The following PCDHGB5 variants were observed in gnomAD, a reference collection of about 807,000 sequenced individuals.
PCDHGB5 encodes protocadherin gamma subfamily B, 5.
In PCDHGB5, 48 loss-of-function variants were observed where a neutral mutation model predicts 62.9. The ratio of observed to expected loss-of-function variants is 0.76; its 90% CI spans 0.61 to 0.97. The LOEUF (loss-of-function observed/expected upper bound fraction) is 0.97. Ranked by LOEUF, PCDHGB5 falls within the 50% of genes least tolerant of loss-of-function variation. The probability of loss-of-function intolerance (pLI) is 0.00; values close to 1 mark genes in which losing one functional copy is unlikely to be tolerated. For missense variants in PCDHGB5, 1,118 were observed against 1,198.6 expected, an observed-to-expected ratio of 0.93 and a Z score of 0.99; for synonymous variants, 474 against 511.2, an observed-to-expected ratio of 0.93 and a Z score of 0.98.
rs140933475 is a variant in PCDHGB5 at position 141,477,405 on chromosome 5, G to A, written c.2398-17402G>A. The A allele has an allele frequency of 3.8e-4, 608 of 1,614,076 alleles. No individual in the cohort carries two copies. The highest frequency in any genetic ancestry group is 4.6e-4 in the Non-Finnish European group (540 of 1,180,022). On this transcript the variant is annotated intron_variant, in intron 1 of 3. Transcript: ENST00000617380. This position sits in a 1 kb window ranked among gnomAD's most constrained non-coding sequence, Gnocchi z 4.9. ...GAATACAACCTCAGCATCACCGCCC[G>A]AGACGCCGGAACCCCTTCCCTCTCA...
At chr5:141,425,379 G>A (rs1330938768) in intron 1 of PCDHGB5, among the ~76,000 whole-genome samples, 7 of 152,152 alleles carry the variant, frequency 4.6e-5, no homozygotes, top group African/African-American at 4.8e-5. Context: ...ATGTTGATTC[G>A]GAGGTAGTGA....
chr5:141,488,866 G>C (rs957501628), intron 1 of PCDHGB5, among the ~76,000 whole-genome samples: 1 of 152,148 alleles, frequency 6.6e-6, no homozygotes, highest in East Asian at 1.9e-4. Context: ...GAAGTGAGTG[G>C]GGAGGTAGGA....
intron 1 of PCDHGB5, among the ~76,000 whole-genome samples, chr5:141,483,997 T>G (rs2099590025): frequency 8.6e-5 from 6 of 69,516 alleles, no homozygotes; most frequent in East Asian, 4.4e-4. Context: ...TGCTGGGAGG[T>G]CTGGATGAGG....
intron 2 of PCDHGB5, among the ~76,000 whole-genome samples, chr5:141,504,039 AC>A (rs1396515708): frequency 6.6e-6 from 1 of 152,184 alleles, no homozygotes; most frequent in African/African-American, 2.4e-5. Context: ...CATTTAGGCA[AC>A]AAATATTTAT....
At chr5:141,473,810 G>A (rs549204595) in intron 1 of PCDHGB5, among the ~76,000 whole-genome samples, 1 of 152,334 alleles carries the variant, frequency 6.6e-6, no homozygotes, top group South Asian at 2.1e-4. Flanking sequence ...CTGAGGAGCA[G>A]CTGGACAATT....
At chr5:141,421,564 G>C in intron 1 of PCDHGB5, 1 of 1,613,982 alleles carries the variant, frequency 6.2e-7, no homozygotes, top group Non-Finnish European at 8.5e-7. Context: ...TCTCGTGGAA[G>C]ACACCTTGAA....
intron 1 of PCDHGB5, among the ~76,000 whole-genome samples, chr5:141,479,935 A>C (rs1226362422): frequency 1.3e-5 from 2 of 152,232 alleles, no homozygotes. Context: ...CATCATTGCT[A>C]TCAACTCTTG....
rs1040753474 is a variant in PCDHGB5 at position 141,511,446 on chromosome 5, G to T, written c.*273G>T. 3.1e-6 allele frequency: 2 copies of T among 654,526 alleles called. No individual in the cohort carries two copies. The highest frequency in any genetic ancestry group is 3.7e-5 in the African/African-American group (2 of 54,758). 40.5% of individuals were successfully genotyped at this position (654,526 alleles called of 1,614,324 possible). A position where few individuals can be genotyped will look rare whatever the true frequency, so the allele number is the denominator to read the frequency against. ...GTAGTGGGGTTACTGTAGACACCAA[G>T]AACCATTTGCCACACCCCGTTTAGT... On this transcript the variant is annotated 3_prime_UTR_variant, in exon 4 of 4. Transcript: ENST00000617380.
intron 1 of PCDHGB5, among the ~76,000 whole-genome samples, chr5:141,459,804 C>G (rs2098975712): frequency 6.6e-6 from 1 of 152,192 alleles, no homozygotes; most frequent in Non-Finnish European, 1.5e-5. Context: ...TCCCTGTTGA[C>G]TAGAGACACT....
intron 1 of PCDHGB5, chr5:141,410,657 G>A: frequency 1.9e-6 from 3 of 1,579,248 alleles, no homozygotes; most frequent in Non-Finnish European, 2.6e-6. Flanking sequence ...TTATCTAATA[G>A]TCTACTAGTT....
At chr5:141,445,213 A>C (rs775782586) in intron 1 of PCDHGB5, among the ~76,000 whole-genome samples, 1 of 152,226 alleles carries the variant, frequency 6.6e-6, no homozygotes, top group Non-Finnish European at 1.5e-5. Context: ...TTGAAAAGTA[A>C]GAGGTGCAAA....
At chr5:141,463,692 C>A (rs1482988660) in intron 1 of PCDHGB5, among the ~76,000 whole-genome samples, 2 of 151,934 alleles carry the variant, frequency 1.3e-5, no homozygotes, top group Non-Finnish European at 2.9e-5. Flanking sequence ...GTGATCTGCT[C>A]ACCTCGGCCT....
intron 2 of PCDHGB5, among the ~76,000 whole-genome samples, chr5:141,496,189 G>A (rs1362938002): frequency 1.3e-5 from 2 of 152,004 alleles, no homozygotes; most frequent in Admixed American, 6.6e-5. Flanking sequence ...AGCCCCAGCT[G>A]CTCATTTCAA....
rs753538822 is a variant in PCDHGB5, at chr5:141,476,676, G to C, written c.2398-18131G>C. 6 of 1,614,222 alleles carry C rather than the reference G, an allele frequency of 3.7e-6. No individual in the cohort carries two copies. Among genetic ancestry groups the C allele is most frequent in the Non-Finnish European group, 4.2e-6 (5 of 1,180,054 alleles). ...TACTTTGCGCTTCGCGTGCAGACGCGGGAGGACAGCACCAAGTACGCGGAG... is the reference window on the plus strand; with the variant it reads ...TACTTTGCGCTTCGCGTGCAGACGCCGGAGGACAGCACCAAGTACGCGGAG... On this transcript the variant is annotated intron_variant, in intron 1 of 3. Transcript: ENST00000617380. The surrounding 1 kb of genome is among the most constrained non-coding windows in gnomAD (Gnocchi z 7.6).
At position 141,473,311 on chromosome 5, in the gene PCDHGB5, A is replaced by G. The variant is rs139053997; in HGVS notation, c.2398-21496A>G. On this transcript the variant is annotated intron_variant, in intron 1 of 3. Coordinates refer to ENST00000617380, the MANE Select transcript of PCDHGB5 (RefSeq NM_018925.3). ...TCAGTAGCATAAAGATTGCTATATTAATAAGCATTAAGTGCCTGCTGTGCT... is the reference window on the plus strand; with the variant it reads ...TCAGTAGCATAAAGATTGCTATATTGATAAGCATTAAGTGCCTGCTGTGCT... Among the ~76,000 whole-genome samples, 1,321 of 152,342 alleles carry G rather than the reference A, an allele frequency of 8.7e-3. 28 individuals carry two copies. Among genetic ancestry groups the G allele is most frequent in the African/African-American group, 0.03 (1,236 of 41,582 alleles).
intron 1 of PCDHGB5, chr5:141,440,369 G>A (rs2098171994): frequency 6.6e-6 from 1 of 152,156 alleles, no homozygotes; most frequent in African/African-American, 2.4e-5. Context: ...GGGGGGCCGA[G>A]GCAGGAGAAT....
In PCDHGB5 at chr5:141,398,765, C is replaced by T. The variant is rs2093700875; in HGVS notation, c.638C>T (p.Thr213Ile). 1 of 1,613,944 alleles carries T rather than the reference C, an allele frequency of 6.2e-7. No individual in the cohort carries two copies. The change falls in exon 1 of 4, where the codon ACT becomes ATT. Residue 213 changes from threonine (T) to isoleucine (I), a missense_variant. By Grantham distance (89) the Thr-to-Ile change is moderately conservative. Transcript: ENST00000617380. ...EQQSYHRLVL[T>I]ALDGGHPPLS... The stretch of plus-strand genomic sequence containing the variant: ...CAGAGTTACCATCGTTTAGTCCTGA[C>T]TGCCTTGGACGGTGGACATCCACCC...
chr5:141,437,820 C>T (rs973577605), intron 1 of PCDHGB5, among the ~76,000 whole-genome samples: 4 of 151,904 alleles, frequency 2.6e-5, no homozygotes, highest in Non-Finnish European at 5.9e-5. Flanking sequence ...TCACTGCAAC[C>T]TCTGCCTCCT....
intron 1 of PCDHGB5, chr5:141,478,076 C>A: frequency 6.2e-7 from 1 of 1,614,106 alleles, no homozygotes. Context: ...CAATGGGGAG[C>A]CTTCGCTCTC....
Sources: gnomAD v4.1 joint callset for allele counts (sites outside exome capture counted in the v4.1 genomes callset) on GRCh38, gnomAD v4.1.1 for gene constraint, Gnocchi (gnomAD v3.1) non-coding constraint, MANE v1.5 for transcripts, NCBI Gene and HGNC (gene_info 2026-07-23, HGNC 2026-07-21) for gene names.